The following DYSF variants were observed in gnomAD, a reference collection of about 807,000 sequenced individuals.
The protein encoded by DYSF is dysferlin.
DYSF carries 212 observed loss-of-function variants against 274.9 expected under a neutral mutation model. The observed-to-expected ratio is 0.77, with a 90% CI of 0.69 to 0.86. The LOEUF is 0.86. Among genes scored for constraint, DYSF ranks in the 40% least tolerant of loss-of-function variants. DYSF has a pLI of 0.00. For synonymous variants in DYSF, 1,091 were observed against 1,078.7 expected (o/e 1.01, Z -0.22); for missense variants, 2,666 against 2,783.2 (o/e 0.96, Z 0.95).
intron 22 of DYSF, among the ~76,000 whole-genome samples, chr2:71,559,550 C>T (rs955749519): frequency 1.2e-4 from 19 of 152,332 alleles, no homozygotes; most frequent in Admixed American, 7.2e-4. Flanking sequence ...ACCTGCCTCA[C>T]GGAGCCCTAA....
rs1180642708 is a variant in DYSF, at chr2:71,526,480, C to T, written c.1276+134C>T. ...GTCTAGGAAAACAATCAGAATTTAA[C>T]GAAAAGTAATCAGTGCTGGTGGAGT... On this transcript the variant is annotated intron_variant, in intron 13 of 55. Transcript: ENST00000410020. The T allele has an allele frequency of 6.8e-6, 9 of 1,315,688 alleles. No homozygotes were observed. In the Admixed American group the frequency reaches 7.7e-5, roughly 11 times the overall value. 81.5% of individuals were successfully genotyped at this position (1,315,688 alleles called of 1,614,324 possible).
rs2092371566 is a variant in DYSF at position 71,570,742 on chromosome 2, G to C, written c.3228+1G>C. ...CAGCCAAATGGAAGCACTGAAAAGG[G>C]TGAGCCAGCAGGTGGTGGGTGGGAG... On this transcript the variant is annotated splice_donor_variant, in intron 29 of 55. Coordinates refer to ENST00000410020, the MANE Select transcript of DYSF (RefSeq NM_001130987.2). LOFTEE classifies it high-confidence loss of function. 6.2e-7 allele frequency: 1 copy of C among 1,613,708 alleles called. No homozygotes were observed. Among genetic ancestry groups the C allele is most frequent in the South Asian group, 1.1e-5 (1 of 91,090 alleles).
In DYSF at chr2:71,686,616, C is replaced by T; in HGVS notation, c.*124C>T. 7 of 1,149,558 alleles carry T rather than the reference C, an allele frequency of 6.1e-6. No individual in the cohort carries two copies. The highest frequency in any genetic ancestry group is 9.1e-6 in the Non-Finnish European group (7 of 768,302). The allele number at this position is 1,149,558 out of a possible 1,614,324, so 71.2% of individuals were successfully genotyped here. A position where few individuals can be genotyped will look rare whatever the true frequency, so the allele number is the denominator to read the frequency against. On this transcript the variant is annotated 3_prime_UTR_variant, in exon 56 of 56. Transcript: ENST00000410020. ...GGCCTGATTGTCCTGCCAGGGTGGG[C>T]AGACAGACAGATGGACCGGCCCACA...
chr2:71,571,027 C>G lies in DYSF; in HGVS notation c.3228+286C>G, dbSNP rs1026350772. 9.9e-5 allele frequency: 45 copies of G among 452,826 alleles called. No homozygotes were observed. In the East Asian group the frequency reaches 1.6e-3, roughly 16 times the overall value. 28.1% of individuals were successfully genotyped at this position (452,826 alleles called of 1,614,324 possible). A position where few individuals can be genotyped will look rare whatever the true frequency, so the allele number is the denominator to read the frequency against. On this transcript the variant is annotated intron_variant, in intron 29 of 55. Coordinates refer to ENST00000410020, the MANE Select transcript of DYSF (RefSeq NM_001130987.2). ...GAACACCCACAGATCACACTCAGCA[C>G]ACACACAGATTACACCCAGCACACA...
chr2:71,587,448 G>A (rs184662238), intron 30 of DYSF, among the ~76,000 whole-genome samples: 100 of 152,290 alleles, frequency 6.6e-4, no homozygotes, highest in African/African-American at 2.3e-3. Flanking sequence ...AAATATGAGT[G>A]ATGTGAACAC....
At chr2:71,672,999 G>A (rs1573127035) in intron 51 of DYSF, among the ~76,000 whole-genome samples, 1 of 152,212 alleles carries the variant, frequency 6.6e-6, no homozygotes, top group African/African-American at 2.4e-5. Flanking sequence ...GGATTTCCGT[G>A]GCCAACCTCT....
chr2:71,586,322 C>T (rs1294390685), intron 30 of DYSF, among the ~76,000 whole-genome samples: 1 of 152,124 alleles, frequency 6.6e-6, no homozygotes, highest in Non-Finnish European at 1.5e-5. Context: ...CCCAGTAATA[C>T]TTCTTCCTAA....
At chr2:71,580,476 C>T (rs563061107) in intron 30 of DYSF, among the ~76,000 whole-genome samples, 1 of 152,274 alleles carries the variant, frequency 6.6e-6, no homozygotes, top group South Asian at 2.1e-4. Context: ...GAGGGAGGGG[C>T]GGCTCTGCGC....
chr2:71,542,299 C>T (rs2089994380), intron 17 of DYSF, among the ~76,000 whole-genome samples: 2 of 151,878 alleles, frequency 1.3e-5, no homozygotes, highest in Admixed American at 1.3e-4. Context: ...TGATTTTTTT[C>T]TGTACCAATT....
intron 36 of DYSF, among the ~76,000 whole-genome samples, chr2:71,606,941 T>G (rs2093658696): frequency 6.6e-6 from 1 of 152,172 alleles, no homozygotes; most frequent in Non-Finnish European, 1.5e-5. Context: ...CCCACTCTTC[T>G]GTCTTCACCC....
At position 71,664,443 on chromosome 2, in the gene DYSF, G is replaced by A. The variant is rs745891180; in HGVS notation, c.5174+5G>A. 3 of 1,613,954 alleles carry A rather than the reference G, an allele frequency of 1.9e-6. No homozygotes were observed. The highest frequency in any genetic ancestry group is 2.2e-5 in the South Asian group (2 of 91,068). On this transcript the variant is annotated splice_donor_5th_base_variant and intron_variant, in intron 46 of 55. Transcript: ENST00000410020. ...ACTCCCACAGACCTACTGTGTGTAC[G>A]TGGATGGGGGCTGGCTGCCTGCTTC...
intron 30 of DYSF, among the ~76,000 whole-genome samples, chr2:71,580,598 G>T (rs893560162): frequency 6.7e-6 from 1 of 148,216 alleles, no homozygotes; most frequent in African/African-American, 2.6e-5. Flanking sequence ...TAGGAAACAA[G>T]ACCTATGGCT....
At chr2:71,678,845 G>T (rs1319257596) in intron 52 of DYSF, among the ~76,000 whole-genome samples, 1 of 152,136 alleles carries the variant, frequency 6.6e-6, no homozygotes, top group Non-Finnish European at 1.5e-5. Flanking sequence ...GCATATGAAC[G>T]CATGAGTAGA....
intron 55 of DYSF, among the ~76,000 whole-genome samples, chr2:71,682,965 G>C (rs2095314139): frequency 6.6e-6 from 1 of 152,206 alleles, no homozygotes; most frequent in Non-Finnish European, 1.5e-5. Flanking sequence ...TAATGAAGGG[G>C]TTAGGAGAAG....
At chr2:71,454,147 GCT>G in intron 1 of DYSF, 2 of 1,514,038 alleles carry the variant, frequency 1.3e-6, no homozygotes, top group South Asian at 1.2e-5. Context: ...GGACGCCGCG[GCT>G]CTCAACCCTG....
At chr2:71,492,266 T>TGTTCCCTGTTTCCTGCCC (rs1211148452) in intron 3 of DYSF, among the ~76,000 whole-genome samples, 1 of 152,156 alleles carries the variant, frequency 6.6e-6, no homozygotes, top group Non-Finnish European at 1.5e-5. Context: ...ACTCAGGGGC[T>TGTTCCCTGTTTCCTGCCC]CTGGAATGTC....
Position 71,572,942 on chromosome 2 carries a change from C to T in DYSF, c.3229-1256C>T, listed in dbSNP as rs532311095. Among the ~76,000 whole-genome samples the T allele has an allele frequency of 5.3e-5, 8 of 152,348 alleles. No homozygotes were observed. The South Asian group carries it at 1.7e-3, about 32-fold the overall frequency. The stretch of plus-strand genomic sequence containing the variant: ...GAGCACAGATGCCATGGGATACTGT[C>T]AGGCCCATCGTGCACATGGATGAGC... On this transcript the variant is annotated intron_variant, in intron 29 of 55. Coordinates refer to ENST00000410020, the MANE Select transcript of DYSF (RefSeq NM_001130987.2).
At chr2:71,618,476 T>G (rs2093990475) in intron 40 of DYSF, among the ~76,000 whole-genome samples, 4 of 114,866 alleles carry the variant, frequency 3.5e-5, no homozygotes, top group African/African-American at 3.8e-5. Flanking sequence ...GTGGTAGAGG[T>G]GTGTGTGTGG....
rs559859690 is a variant in DYSF, at chr2:71,521,678, C to T, written c.1149+774C>T. Among the ~76,000 whole-genome samples the T allele has an allele frequency of 3.3e-5, 5 of 152,240 alleles. No individual in the cohort carries two copies. In the South Asian group the frequency reaches 1.0e-3, roughly 32 times the overall value. On this transcript the variant is annotated intron_variant, in intron 12 of 55. Coordinates refer to ENST00000410020, the MANE Select transcript of DYSF (RefSeq NM_001130987.2). The stretch of plus-strand genomic sequence containing the variant: ...GCCCCTGGGGTCTCCTGCCATGCCT[C>T]GTGTCTCCCCCATCCTCACCACACA...
Sources: gnomAD v4.1 joint callset for allele counts (sites outside exome capture counted in the v4.1 genomes callset) on GRCh38, gnomAD v4.1.1 for gene constraint, MANE v1.5 for transcripts, NCBI Gene and HGNC (gene_info 2026-07-23, HGNC 2026-07-21) for gene names.